Variants in TLE4 observed in about 807,000 individuals in gnomAD.
TLE4 encodes TLE family member 4, transcriptional corepressor.
Under a neutral mutation model 92.8 loss-of-function variants are expected in TLE4, and 8 were observed. The ratio of observed to expected loss-of-function variants is 0.09; its 90% CI spans 0.05 to 0.16. The LOEUF is 0.16. Among genes scored for constraint, TLE4 ranks in the 10% least tolerant of loss-of-function variants. The pLI, the probability that TLE4 is intolerant of heterozygous loss-of-function variation, is 1.00. For synonymous variants in TLE4, 371 were observed against 374.1 expected (o/e 0.99, Z 0.10); for missense variants, 675 against 997.6 (o/e 0.68, Z 4.36).
At chr9:79,590,497 A>G (rs983689333) in intron 4 of TLE4, among the ~76,000 whole-genome samples, 29 of 152,324 alleles carry the variant, frequency 1.9e-4, no homozygotes, top group Non-Finnish European at 3.7e-4. Flanking sequence ...AGGCTGCGGC[A>G]GGCAAAGTAC....
intron 14 of TLE4, among the ~76,000 whole-genome samples, chr9:79,712,756 A>G (rs1320803464): frequency 6.6e-5 from 10 of 152,258 alleles, no homozygotes; most frequent in Non-Finnish European, 4.4e-5. Flanking sequence ...TTTAATTTCA[A>G]CATAAGCCAA....
In TLE4 at chr9:79,605,006, G is replaced by A. The variant is rs190012142; in HGVS notation, c.253-7650G>A. ...GTAGGAAAGAGGAAGGTGTGTGAGAGAGAGAAGGAGGAGGAGGAAGAAGAG... is the reference window on the plus strand; with the variant it reads ...GTAGGAAAGAGGAAGGTGTGTGAGAAAGAGAAGGAGGAGGAGGAAGAAGAG... On this transcript the variant is annotated intron_variant, in intron 4 of 19. Coordinates refer to ENST00000376552, the MANE Select transcript of TLE4 (RefSeq NM_007005.6). Among the ~76,000 whole-genome samples the A allele has an allele frequency of 2.3e-3, 354 of 152,190 alleles. 8 individuals carry two copies. The highest frequency in any genetic ancestry group is 0.021 in the Admixed American group (324 of 15,256).
intron 4 of TLE4, among the ~76,000 whole-genome samples, chr9:79,600,877 T>G (rs2045469657): frequency 6.6e-6 from 1 of 152,196 alleles, no homozygotes; most frequent in South Asian, 2.1e-4. Flanking sequence ...TTTTACTTCC[T>G]GTGGACCTAG....
intron 8 of TLE4, among the ~76,000 whole-genome samples, chr9:79,686,597 G>A (rs2065904627): frequency 6.6e-6 from 1 of 152,174 alleles, no homozygotes; most frequent in African/African-American, 2.4e-5. Flanking sequence ...CCATGAGAAA[G>A]CAAAGAGGAA....
At chr9:79,658,900 G>C (rs115590536) in intron 8 of TLE4, among the ~76,000 whole-genome samples, 4 of 152,136 alleles carry the variant, frequency 2.6e-5, no homozygotes, top group Non-Finnish European at 5.9e-5. Flanking sequence ...GGTATCTTCT[G>C]TTTTCCCCTC....
chr9:79,719,843 C>A (rs2075274462), intron 15 of TLE4, among the ~76,000 whole-genome samples: 1 of 152,194 alleles, frequency 6.6e-6, no homozygotes, highest in Admixed American at 6.5e-5. Flanking sequence ...TTAAATATCT[C>A]AGTACTACAT....
At chr9:79,613,472 C>T (rs577045968) in intron 5 of TLE4, among the ~76,000 whole-genome samples, 1 of 151,946 alleles carries the variant, frequency 6.6e-6, no homozygotes, top group Non-Finnish European at 1.5e-5. Context: ...TTGGTAGTTA[C>T]AAAGTTGAAG....
chr9:79,718,403 G>A (rs1463022712), intron 14 of TLE4, among the ~76,000 whole-genome samples: 1 of 152,144 alleles, frequency 6.6e-6, no homozygotes. Context: ...CTTGACGGTG[G>A]TTATCTCATT....
intron 4 of TLE4, among the ~76,000 whole-genome samples, chr9:79,585,847 G>A (rs1031244446): frequency 2.2e-4 from 33 of 151,526 alleles, no homozygotes; most frequent in Non-Finnish European, 2.1e-4. Flanking sequence ...CATTCCCCCC[G>A]TCCTGTGGAT....
At chr9:79,612,556 A>C in intron 4 of TLE4, 100 bp from the exon 5 acceptor site, 1 of 1,135,404 alleles carries the variant, frequency 8.8e-7, no homozygotes, top group Non-Finnish European at 1.3e-6. Flanking sequence ...ATGCCAGCCA[A>C]ATTATAAAGT....
chr9:79,679,717 C>T (rs1174442618), intron 8 of TLE4, among the ~76,000 whole-genome samples: 5 of 152,108 alleles, frequency 3.3e-5, no homozygotes, highest in East Asian at 1.9e-4. Context: ...ATGGTATTGC[C>T]TAGGTTTTCT....
At chr9:79,592,374 C>T (rs932728780) in intron 4 of TLE4, among the ~76,000 whole-genome samples, 5 of 150,368 alleles carry the variant, frequency 3.3e-5, no homozygotes, top group East Asian at 2.0e-4. Context: ...CTCCTGGGCT[C>T]GAGTGATCCT....
At chr9:79,678,192 T>G (rs2063650106) in intron 8 of TLE4, among the ~76,000 whole-genome samples, 1 of 152,138 alleles carries the variant, frequency 6.6e-6, no homozygotes, top group South Asian at 2.1e-4. Context: ...GATAATGATC[T>G]TCATCAAGTT....
intron 8 of TLE4, among the ~76,000 whole-genome samples, chr9:79,676,123 G>A (rs111815316): frequency 5.3e-4 from 80 of 152,072 alleles, no homozygotes; most frequent in African/African-American, 1.7e-3. Context: ...CTTTACACTC[G>A]TTTTATACTA....
At chr9:79,724,849 TAA>T (rs947971071) in intron 19 of TLE4, among the ~76,000 whole-genome samples, 186 bp from the exon 20 acceptor site, 259 of 25,852 alleles carry the variant, frequency 0.01, 1 homozygote, top group Admixed American at 0.064. Context: ...CCTGTCTTAT[TAA>T]AAAAAAAAAA....
rs202052208 is a variant in TLE4 at position 79,704,035 on chromosome 9, AAAAAC to A, written c.610-734_610-730del. Among the ~76,000 whole-genome samples the A allele has an allele frequency of 3.0e-4, 46 of 152,236 alleles. 2 individuals carry two copies. The East Asian group carries it at 6.9e-3, about 23-fold the overall frequency. Reference sequence around the variant, plus strand: ...GGCTTCCCATTAGCCAGCAAACTTTAAAAACAAAACAAAACAAACAAACAAAAAAA... The same window carrying A: ...GGCTTCCCATTAGCCAGCAAACTTTAAAAACAAAACAAACAAACAAAAAAA... On this transcript the variant is annotated intron_variant, in intron 8 of 19. Coordinates refer to ENST00000376552, the MANE Select transcript of TLE4 (RefSeq NM_007005.6).
chr9:79,718,675 CA>C (rs751537687), intron 14 of TLE4, 46 bp from the exon 15 acceptor site: 23 of 1,571,712 alleles, frequency 1.5e-5, no homozygotes, highest in Non-Finnish European at 1.9e-5. Flanking sequence ...AGTTAAGTGA[CA>C]TTTTTTTACA....
intron 8 of TLE4, among the ~76,000 whole-genome samples, chr9:79,683,814 G>A (rs1427207962): frequency 6.6e-6 from 1 of 152,142 alleles, no homozygotes; most frequent in Non-Finnish European, 1.5e-5. Flanking sequence ...CAGGAGTTCT[G>A]TTTGCTCATT....
chr9:79,621,441 G>A (rs2050952127), intron 5 of TLE4, among the ~76,000 whole-genome samples: 1 of 152,178 alleles, frequency 6.6e-6, no homozygotes, highest in Admixed American at 6.5e-5. Context: ...CAATGGAGGA[G>A]AATTTAAAGA....
Sources: gnomAD v4.1 joint callset for allele counts (sites outside exome capture counted in the v4.1 genomes callset) on GRCh38, gnomAD v4.1.1 for gene constraint, MANE v1.5 for transcripts, NCBI Gene and HGNC (gene_info 2026-07-23, HGNC 2026-07-21) for gene names.